DSCAML1: variants seen among roughly 807,000 people sequenced by gnomAD.
The protein encoded by DSCAML1 is DS cell adhesion molecule like 1, also known as cell adhesion molecule DSCAML1.
In DSCAML1, 38 loss-of-function variants were observed where a neutral mutation model predicts 200.5. That is an observed-to-expected ratio of 0.19 (90% CI 0.15 to 0.25). The LOEUF is 0.25. Among genes scored for constraint, DSCAML1 ranks in the 10% least tolerant of loss-of-function variants. The pLI is 1.00. For synonymous variants in DSCAML1, 1,215 were observed against 1,165.0 expected (o/e 1.04, Z -0.87); for missense variants, 2,223 against 2,858.8 (o/e 0.78, Z 5.07).
intron 3 of DSCAML1, among the ~76,000 whole-genome samples, chr11:117,659,723 T>C (rs1264210252): frequency 6.6e-6 from 1 of 151,902 alleles, no homozygotes. Context: ...TCACACATTT[T>C]TTTTTTTTCT....
In DSCAML1 at chr11:117,505,163, G is replaced by T; in HGVS notation, c.2063-120C>A. On this transcript the variant is annotated intron_variant, in intron 9 of 32. Transcript: ENST00000651296. The surrounding 1 kb of genome is among the most constrained non-coding windows in gnomAD (Gnocchi z 6.7). ...CGGGCCATTATAAAGTTGGAAGCGG[G>T]CAGTTTCTGAAACCCAAGATGCTGA... is the stretch of plus-strand genomic sequence containing the variant. The T allele has an allele frequency of 6.9e-7, 1 of 1,442,724 alleles. No individual in the cohort carries two copies. Among genetic ancestry groups the T allele is most frequent in the Non-Finnish European group, 9.3e-7 (1 of 1,073,580 alleles). 89.4% of individuals were successfully genotyped at this position (1,442,724 alleles called of 1,614,324 possible).
In DSCAML1 at chr11:117,516,571, T is replaced by G; in HGVS notation, c.1679A>C (p.Lys560Thr). Residue 560 changes from lysine to threonine, a missense_variant, in exon 8 of 33, where the codon AAG (lysine) becomes ACG (threonine). By Grantham distance (78) the Lys-to-Thr change is moderately conservative. Around this residue, in one of 7 missense-constraint regions of DSCAML1, gnomAD observed 212 missense variants for 368.0 expected, o/e 0.58. Transcript: ENST00000651296. The surrounding 1 kb of genome is among the most constrained non-coding windows in gnomAD (Gnocchi z 5.7). Reference protein sequence around the residue: ...RQVVFENGTLKLTDVQKGMDE... With the variant: ...RQVVFENGTLTLTDVQKGMDE... Reference sequence around the variant, plus strand: ...CATGCCCTTCTGCACGTCAGTCAGCTTGAGGGTCCCATTCTCAAACACCAC... The same window carrying G: ...CATGCCCTTCTGCACGTCAGTCAGCGTGAGGGTCCCATTCTCAAACACCAC... The G allele has an allele frequency of 6.2e-7, 1 of 1,614,088 alleles. No individual in the cohort carries two copies.
At chr11:117,588,233 C>T (rs2051188559) in intron 3 of DSCAML1, among the ~76,000 whole-genome samples, 1 of 152,074 alleles carries the variant, frequency 6.6e-6, no homozygotes, top group Non-Finnish European at 1.5e-5. Context: ...TTTTTAACCA[C>T]CCTAGCTCGG....
At chr11:117,551,364 T>C (rs760088085) in intron 3 of DSCAML1, among the ~76,000 whole-genome samples, 1 of 152,144 alleles carries the variant, frequency 6.6e-6, no homozygotes, top group East Asian at 1.9e-4. Context: ...GCCAGATGTA[T>C]ATGGTCATCC....
intron 3 of DSCAML1, among the ~76,000 whole-genome samples, chr11:117,742,267 G>A: frequency 6.6e-6 from 1 of 152,150 alleles, no homozygotes. Context: ...ACTGTAGACG[G>A]TGCTACCTTA....
At chr11:117,698,122 A>G (rs2053615354) in intron 3 of DSCAML1, among the ~76,000 whole-genome samples, 1 of 152,120 alleles carries the variant, frequency 6.6e-6, no homozygotes, top group Admixed American at 6.5e-5. Flanking sequence ...TGGCTGTACC[A>G]CATTTTGTTT....
chr11:117,752,189 C>T (rs1234187254), intron 3 of DSCAML1, among the ~76,000 whole-genome samples: 4 of 152,230 alleles, frequency 2.6e-5, no homozygotes, highest in East Asian at 1.9e-4. Context: ...GCCTCTTGCA[C>T]GGAAGCCTCA....
intron 12 of DSCAML1, 118 bp downstream of exon 12, chr11:117,481,845 G>T (rs560096227): frequency 1.8e-6 from 2 of 1,109,896 alleles, no homozygotes; most frequent in African/African-American, 1.5e-5. Context: ...GTACATTTTT[G>T]GGGTGTGGGG....
intron 15 of DSCAML1, 87 bp from the exon 16 acceptor site, chr11:117,470,067 G>T: frequency 2.4e-6 from 3 of 1,255,342 alleles, no homozygotes; most frequent in Non-Finnish European, 3.2e-6. Flanking sequence ...ACCCTCCTGA[G>T]CTGGAGGGCT....
At chr11:117,705,603 A>G (rs2053746422) in intron 3 of DSCAML1, among the ~76,000 whole-genome samples, 1 of 152,202 alleles carries the variant, frequency 6.6e-6, no homozygotes, top group Admixed American at 6.5e-5. Flanking sequence ...AGGCTCAGAA[A>G]GAGAGACCAG....
chr11:117,503,380 C>T lies in DSCAML1; in HGVS notation c.2359+465G>A, dbSNP rs1176017499. 6.6e-6 allele frequency among the ~76,000 whole-genome samples: 1 copy of T among 152,182 alleles called. No homozygotes were observed. The highest frequency in any genetic ancestry group is 2.4e-5 in the African/African-American group (1 of 41,432). On this transcript the variant is annotated intron_variant, in intron 11 of 32. Coordinates refer to ENST00000651296, the MANE Select transcript of DSCAML1 (RefSeq NM_020693.4). The surrounding 1 kb of genome is among the most constrained non-coding windows in gnomAD (Gnocchi z 5.2). Reference sequence around the variant, plus strand: ...GTGACTCGCCCAAGGTCACTCAGCTCATCAGGCTGATCTGGAATTGGAACC... The same window carrying T: ...GTGACTCGCCCAAGGTCACTCAGCTTATCAGGCTGATCTGGAATTGGAACC...
intron 1 of DSCAML1, among the ~76,000 whole-genome samples, chr11:117,814,769 A>T (rs1478067644): frequency 6.6e-6 from 1 of 152,172 alleles, no homozygotes; most frequent in Non-Finnish European, 1.5e-5. Context: ...GCAGGTCAGG[A>T]ACACTCTTGA....
chr11:117,803,446 G>C (rs927779299), intron 1 of DSCAML1, among the ~76,000 whole-genome samples: 14 of 152,014 alleles, frequency 9.2e-5, no homozygotes, highest in Non-Finnish European at 1.8e-4. Context: ...GCATTTGTCA[G>C]TTTTTTCAAG....
At chr11:117,654,063 CATT>C (rs2052686334) in intron 3 of DSCAML1, among the ~76,000 whole-genome samples, 1 of 152,170 alleles carries the variant, frequency 6.6e-6, no homozygotes, top group Non-Finnish European at 1.5e-5. Flanking sequence ...GCCTTCAAAA[CATT>C]ATGCTAAGTG....
At chr11:117,657,973 T>C (rs930182553) in intron 3 of DSCAML1, among the ~76,000 whole-genome samples, 8 of 152,178 alleles carry the variant, frequency 5.3e-5, no homozygotes, top group Admixed American at 1.3e-4. Context: ...TGCTGCTTCT[T>C]GCCAGCATCA....
intron 29 of DSCAML1, 38 bp downstream of exon 29, chr11:117,433,100 C>G: frequency 6.3e-7 from 1 of 1,579,520 alleles, no homozygotes; most frequent in Non-Finnish European, 8.7e-7. Flanking sequence ...GGGAAGCACA[C>G]CCAGCAGGAC....
At chr11:117,592,145 G>A (rs761184026) in intron 3 of DSCAML1, among the ~76,000 whole-genome samples, 1 of 152,090 alleles carries the variant, frequency 6.6e-6, no homozygotes, top group Non-Finnish European at 1.5e-5. Context: ...CTTGTCAATG[G>A]GGCCCGCAGT....
chr11:117,679,241 C>A (rs2053270549), intron 3 of DSCAML1, among the ~76,000 whole-genome samples: 1 of 152,182 alleles, frequency 6.6e-6, no homozygotes, highest in Non-Finnish European at 1.5e-5. Flanking sequence ...AACCATAGAG[C>A]CTCTCTGCCC....
chr11:117,704,698 G>A (rs1297032728), intron 3 of DSCAML1, among the ~76,000 whole-genome samples: 1 of 152,186 alleles, frequency 6.6e-6, no homozygotes, highest in Non-Finnish European at 1.5e-5. Flanking sequence ...TCCAGCCAAA[G>A]GGAAAAGGTA....
Sources: allele counts gnomAD v4.1 joint callset (sites outside exome capture counted in the v4.1 genomes callset), GRCh38; gene constraint gnomAD v4.1.1; regional missense constraint gnomAD v4.1.1; non-coding constraint Gnocchi (gnomAD v3.1); transcripts MANE v1.5; gene names NCBI Gene and HGNC (gene_info 2026-07-23, HGNC 2026-07-21).